The following AUTS2 variants were observed in gnomAD, a reference collection of about 807,000 sequenced individuals.
AUTS2 encodes activator of transcription and developmental regulator AUTS2.
Under a neutral mutation model 112.4 loss-of-function variants are expected in AUTS2, and 17 were observed. That is an observed-to-expected ratio of 0.15 (90% CI 0.10 to 0.23). The LOEUF is 0.23. Among genes scored for constraint, AUTS2 ranks in the 10% least tolerant of loss-of-function variants. AUTS2 has a pLI of 1.00. For synonymous variants in AUTS2, 751 were observed against 702.7 expected, an observed-to-expected ratio of 1.07 and a Z score of -1.09; for missense variants, 1,510 against 1,701.6, an observed-to-expected ratio of 0.89 and a Z score of 1.98.
In AUTS2 at chr7:69,899,483, G is replaced by C; in HGVS notation, c.507G>C (p.Pro169=). Residue 169 remains proline (P), a synonymous_variant, in exon 2 of 19, where the codon CCG becomes CCC. Transcript: ENST00000342771. ...CQHLGKRKKM[P]KALRQLKPGQ... is the part of the protein sequence containing the mutation. ...ACCTTGGGAAGAGAAAGAAAATGCC[G>C]AAGGCACTCAGACAGGTGAGGAAGC... is the stretch of plus-strand genomic sequence containing the variant. 2 of 1,613,970 alleles carry C rather than the reference G, an allele frequency of 1.2e-6. No individual in the cohort carries two copies. The highest frequency in any genetic ancestry group is 1.7e-6 in the Non-Finnish European group (2 of 1,179,856).
At chr7:70,206,929 A>G (rs1221108601) in intron 4 of AUTS2, among the ~76,000 whole-genome samples, 1 of 152,168 alleles carries the variant, frequency 6.6e-6, no homozygotes, top group Non-Finnish European at 1.5e-5. Context: ...GTTTTACCCA[A>G]TGATTGAAAA....
At chr7:70,066,601 C>T (rs891393267) in intron 2 of AUTS2, among the ~76,000 whole-genome samples, 5 of 146,524 alleles carry the variant, frequency 3.4e-5, no homozygotes, top group Admixed American at 7.0e-5. Context: ...AGTGCAATGG[C>T]GCTGTGTCGG....
chr7:69,672,051 ACTTTT>A (rs1304926566), intron 1 of AUTS2, among the ~76,000 whole-genome samples: 1 of 150,884 alleles, frequency 6.6e-6, no homozygotes, highest in Non-Finnish European at 1.5e-5. Context: ...GGGGAACGTA[ACTTTT>A]CTTTTTCTTT....
chr7:69,795,229 G>A (rs1026874302), intron 1 of AUTS2, among the ~76,000 whole-genome samples: 4 of 152,248 alleles, frequency 2.6e-5, no homozygotes, highest in East Asian at 1.9e-4. Flanking sequence ...GTTCAATACT[G>A]CCTTCTAGTT....
chr7:70,204,403 A>C (rs1810463223), intron 4 of AUTS2, among the ~76,000 whole-genome samples: 1 of 152,170 alleles, frequency 6.6e-6, no homozygotes, highest in African/African-American at 2.4e-5. Flanking sequence ...GAAATAAATG[A>C]ATTAATTGAG....
chr7:69,749,279 G>C (rs1787637973), intron 1 of AUTS2, among the ~76,000 whole-genome samples: 1 of 152,140 alleles, frequency 6.6e-6, no homozygotes, highest in Non-Finnish European at 1.5e-5. Context: ...TACTGTACAA[G>C]TCACCCATTT....
intron 1 of AUTS2, among the ~76,000 whole-genome samples, chr7:69,610,923 A>G (rs1217818587): frequency 1.3e-5 from 2 of 152,344 alleles, no homozygotes; most frequent in African/African-American, 4.8e-5. Context: ...AGTCAGTGAC[A>G]TCTGTTATAT....
intron 2 of AUTS2, among the ~76,000 whole-genome samples, chr7:70,096,599 TAAAAAAAAAAAA>T (rs374942971): frequency 2.4e-5 from 2 of 84,704 alleles, no homozygotes. Flanking sequence ...AACTCCATCT[TAAAAAAAAAAAA>T]AAAAAGAAAA....
chr7:70,608,317 C>G (rs1803891044), intron 5 of AUTS2, among the ~76,000 whole-genome samples: 1 of 152,114 alleles, frequency 6.6e-6, no homozygotes, highest in Non-Finnish European at 1.5e-5. Context: ...GTTGCCCAGC[C>G]TGTCCTCAAA....
At chr7:70,156,954 G>C (rs945749714) in intron 4 of AUTS2, among the ~76,000 whole-genome samples, 12 of 136,158 alleles carry the variant, frequency 8.8e-5, no homozygotes, top group African/African-American at 3.3e-4. Flanking sequence ...GCAGGCACCT[G>C]TAGTCCCAGC....
intron 4 of AUTS2, among the ~76,000 whole-genome samples, chr7:70,411,606 C>G (rs1794778822): frequency 1.3e-5 from 2 of 151,958 alleles, no homozygotes; most frequent in Admixed American, 6.6e-5. Context: ...AAAGTTTTAA[C>G]ATAACATACA....
At chr7:69,751,080 G>A (rs964689765) in intron 1 of AUTS2, among the ~76,000 whole-genome samples, 2 of 152,056 alleles carry the variant, frequency 1.3e-5, no homozygotes, top group Non-Finnish European at 2.9e-5. Flanking sequence ...CCAGGAAAAC[G>A]AAAGTGACTT....
In AUTS2 at chr7:70,379,948, C is replaced by T. The variant is rs150065941; in HGVS notation, c.661-55804C>T. 1.3e-3 allele frequency among the ~76,000 whole-genome samples: 201 copies of T among 152,254 alleles called. 1 individual carries two copies. Among genetic ancestry groups the T allele is most frequent in the Middle Eastern group, 6.8e-3 (2 of 294 alleles). On this transcript the variant is annotated intron_variant, in intron 4 of 18. Coordinates refer to ENST00000342771, the MANE Select transcript of AUTS2 (RefSeq NM_015570.4). ...AATGACTTAGAAGTAGAAAATATTT[C>T]GATCAGGTGCAAATCATGGTCAGGA...
intron 2 of AUTS2, among the ~76,000 whole-genome samples, chr7:70,031,168 G>A (rs1800761780): frequency 6.6e-6 from 1 of 152,140 alleles, no homozygotes; most frequent in Non-Finnish European, 1.5e-5. Flanking sequence ...GAGGGCATTT[G>A]TGAGGGCCTT....
intron 4 of AUTS2, among the ~76,000 whole-genome samples, chr7:70,190,676 T>G (rs1809833655): frequency 6.6e-6 from 1 of 152,220 alleles, no homozygotes; most frequent in Non-Finnish European, 1.5e-5. Context: ...GAGCCTCAGG[T>G]TGCCAATTGC....
intron 6 of AUTS2, among the ~76,000 whole-genome samples, chr7:70,752,000 C>T (rs535615701): frequency 2.0e-5 from 3 of 151,996 alleles, no homozygotes; most frequent in Non-Finnish European, 4.4e-5. Flanking sequence ...TCTGGGATTA[C>T]AGGTATAAGC....
intron 2 of AUTS2, among the ~76,000 whole-genome samples, chr7:70,053,578 T>G (rs1477274868): frequency 7.0e-6 from 1 of 143,046 alleles, no homozygotes; most frequent in Non-Finnish European, 1.5e-5. Flanking sequence ...CTCACTCTGT[T>G]TCCCAGGCTG....
At chr7:70,500,454 A>G (rs1269832006) in intron 5 of AUTS2, among the ~76,000 whole-genome samples, 3 of 152,216 alleles carry the variant, frequency 2.0e-5, no homozygotes, top group African/African-American at 7.2e-5. Context: ...AAGGAGAGGC[A>G]AGCATAAAAA....
chr7:70,308,602 G>A (rs56063609), intron 4 of AUTS2, among the ~76,000 whole-genome samples: 13,064 of 152,208 alleles, frequency 0.086, 768 homozygotes, highest in African/African-American at 0.16. Context: ...ATGTAGTGAA[G>A]AGAAGAATTT....
Sources: allele counts gnomAD v4.1 joint callset (sites outside exome capture counted in the v4.1 genomes callset), GRCh38; gene constraint gnomAD v4.1.1; transcripts MANE v1.5; gene names NCBI Gene and HGNC (gene_info 2026-07-23, HGNC 2026-07-21).